Variants in NR1H2 observed in about 807,000 individuals in gnomAD.
NR1H2 encodes oxysterols receptor LXR-beta.
NR1H2 carries 33 observed loss-of-function variants against 51.2 expected under a neutral mutation model. That is an observed-to-expected ratio of 0.64 (90% confidence interval 0.49 to 0.86). The LOEUF (loss-of-function observed/expected upper bound fraction) is 0.86, where lower values mean the gene tolerates loss of function less well. Ranked by LOEUF, NR1H2 falls within the 40% of genes least tolerant of loss-of-function variation. NR1H2 has a pLI of 0.00. For missense variants in NR1H2, 592 were observed against 639.9 expected (o/e 0.93, Z 0.81); for synonymous variants, 310 against 264.3 (o/e 1.17, Z -1.68).
At chr19:50,382,372 G>C in intron 9 of NR1H2, 84 bp from the exon 10 acceptor site, 1 of 1,501,384 alleles carries the variant, frequency 6.7e-7, no homozygotes. Flanking sequence ...TGGTCGGGGA[G>C]GGGCCCTCCT....
In NR1H2 at chr19:50,377,783, G is replaced by C; in HGVS notation, c.94G>C (p.Glu32Gln). The C allele has an allele frequency of 6.2e-7, 1 of 1,611,010 alleles. No individual in the cohort carries two copies. The highest frequency in any genetic ancestry group is 8.5e-7 in the Non-Finnish European group (1 of 1,178,666). The change falls in exon 4 of 10, where the codon GAG becomes CAG. Residue 32 changes from glutamate (E) to glutamine (Q), a missense_variant. Transcript: ENST00000253727. ...CCCTTCTTCTTCACCCACTGTAAAG[G>C]AGGAGGGTCCGGAGCCGTGGCCCGG... Reference protein sequence around the residue: ...GAPSSSPTVKEEGPEPWPGGP... With the variant: ...GAPSSSPTVKQEGPEPWPGGP...
At chr19:50,378,043 C>T (rs2037697891) in intron 4 of NR1H2, 106 bp from the exon 5 acceptor site, 1 of 1,414,608 alleles carries the variant, frequency 7.1e-7, no homozygotes, top group South Asian at 1.4e-5. Flanking sequence ...CAACTCCTCT[C>T]TCCCTCCATC....
rs770363958 is a variant in NR1H2, at chr19:50,378,846, C to T, written c.747+50C>T. 8.2e-6 allele frequency: 13 copies of T among 1,584,556 alleles called. No individual in the cohort carries two copies. In the Admixed American group the frequency reaches 1.9e-4, roughly 23 times the overall value. ...GTGTGACGGTCCCAATGGGGTAGAGCCAGCTGGGCCATCACCCAGGGTGTG... is the reference window on the plus strand; with the variant it reads ...GTGTGACGGTCCCAATGGGGTAGAGTCAGCTGGGCCATCACCCAGGGTGTG... On this transcript the variant is annotated intron_variant, in intron 6 of 9. Transcript: ENST00000253727.
Position 50,378,522 on chromosome 19 carries a change from G to A in NR1H2, c.473G>A (p.Cys158Tyr). 6.2e-7 allele frequency: 1 copy of A among 1,605,494 alleles called. No homozygotes were observed. Among genetic ancestry groups the A allele is most frequent in the Admixed American group, 1.7e-5 (1 of 59,600 alleles). ...KCKEAGMREQ[C>Y]VLSEEQIRKK... ...TGCTGAGGCCTGCATCCCCCTACAGGCGTCCTTTCTGAAGAACAGATCCGG... is the reference window on the plus strand; with the variant it reads ...TGCTGAGGCCTGCATCCCCCTACAGACGTCCTTTCTGAAGAACAGATCCGG... The change falls in exon 6 of 10, where the codon TGC becomes TAC. Residue 158 changes from cysteine (C) to tyrosine (Y), a missense_variant and splice_region_variant. Physicochemically the swap from Cys to Tyr is radical, Grantham distance 194. Around this residue, in one of 3 missense-constraint regions of NR1H2, gnomAD observed 316 missense variants for 313.4 expected, o/e 1.01. Coordinates refer to ENST00000253727, the MANE Select transcript of NR1H2 (RefSeq NM_007121.7).
At position 50,378,610 on chromosome 19, in the gene NR1H2, G is replaced by A. The variant is rs755298052; in HGVS notation, c.561G>A (p.Pro187=). 1.1e-5 allele frequency: 18 copies of A among 1,613,876 alleles called. No homozygotes were observed. The highest frequency in any genetic ancestry group is 4.0e-5 in the African/African-American group (3 of 74,934). ...SQSQSQSPVG[P]QGSSSSASGP... Reference sequence around the variant, plus strand: ...CACAGTCGCAGTCACCTGTGGGGCCGCAGGGCAGCAGCAGCTCAGCCTCTG... The same window carrying A: ...CACAGTCGCAGTCACCTGTGGGGCCACAGGGCAGCAGCAGCTCAGCCTCTG... The change falls in exon 6 of 10, where the codon CCG becomes CCA. Residue 187 remains proline (P), a synonymous_variant. Transcript: ENST00000253727.
rs978404750 is a variant in NR1H2, at chr19:50,379,825, T to C, written c.973T>C (p.Cys325Arg). The C allele has an allele frequency of 1.2e-6, 2 of 1,613,370 alleles. No homozygotes were observed. Among genetic ancestry groups the C allele is most frequent in the Non-Finnish European group, 8.5e-7 (1 of 1,179,832 alleles). ...CAGGCGCTACAACCACGAGACAGAGTGTATCACCTTCTTGAAGGACTTCAC... is the reference window on the plus strand; with the variant it reads ...CAGGCGCTACAACCACGAGACAGAGCGTATCACCTTCTTGAAGGACTTCAC... ...TARRYNHETECITFLKDFTYS... is the reference protein window; with the variant it reads ...TARRYNHETERITFLKDFTYS... Residue 325 changes from cysteine (C) to arginine (R), a missense_variant, in exon 8 of 10, where the codon TGT (cysteine) becomes CGT (arginine). By Grantham distance (180) the Cys-to-Arg change is radical (BLOSUM62 -3). Around this residue, in one of 3 missense-constraint regions of NR1H2, gnomAD observed 102 missense variants for 152.4 expected, o/e 0.67. Transcript: ENST00000253727.
chr19:50,378,074 A>T (rs989960141), intron 4 of NR1H2, 75 bp from the exon 5 acceptor site: 3 of 1,487,946 alleles, frequency 2.0e-6, no homozygotes, highest in Admixed American at 4.3e-5. Context: ...TTGCCTGGGG[A>T]TCTCCTGTGG....
chr19:50,381,300 C>T (rs556082256), intron 8 of NR1H2, among the ~76,000 whole-genome samples: 13 of 152,352 alleles, frequency 8.5e-5, no homozygotes, highest in African/African-American at 2.9e-4. Flanking sequence ...CCCTCATCTC[C>T]TTCGGATTGG....
chr19:50,379,185 ATGGTCCATCTGCC>A lies in NR1H2; in HGVS notation c.927+5_927+17del. The A allele has an allele frequency of 6.2e-7, 1 of 1,608,186 alleles. No homozygotes were observed. Among genetic ancestry groups the A allele is most frequent in the Non-Finnish European group, 8.5e-7 (1 of 1,176,978 alleles). ...CCTGAAGGCATCCACTATCGAGGTA[ATGGTCCATCTGCC>A]CACAAGGAACCCCAGAGATAGCTCC... On this transcript the variant is annotated splice_donor_5th_base_variant and intron_variant, in intron 7 of 9. Coordinates refer to ENST00000253727, the MANE Select transcript of NR1H2 (RefSeq NM_007121.7).
In NR1H2 at chr19:50,378,846, C is replaced by G. The variant is rs770363958; in HGVS notation, c.747+50C>G. The G allele has an allele frequency of 2.5e-6, 4 of 1,584,556 alleles. No homozygotes were observed. The East Asian group carries it at 9.0e-5, about 36-fold the overall frequency. On this transcript the variant is annotated intron_variant, in intron 6 of 9. Coordinates refer to ENST00000253727, the MANE Select transcript of NR1H2 (RefSeq NM_007121.7). The stretch of plus-strand genomic sequence containing the variant: ...GTGTGACGGTCCCAATGGGGTAGAG[C>G]CAGCTGGGCCATCACCCAGGGTGTG...
At chr19:50,380,977 C>G (rs1432469961) in intron 8 of NR1H2, among the ~76,000 whole-genome samples, 1 of 152,180 alleles carries the variant, frequency 6.6e-6, no homozygotes, top group Non-Finnish European at 1.5e-5. Flanking sequence ...CTCCGCGGCT[C>G]CCGTCTCACT....
Position 50,377,929 on chromosome 19 carries a change from A to C in NR1H2, c.181+59A>C, listed in dbSNP as rs576488905. The C allele has an allele frequency of 5.9e-5, 88 of 1,499,222 alleles. 2 individuals carry two copies. The South Asian group carries it at 1.1e-3, about 19-fold the overall frequency. The allele number at this position is 1,499,222 out of a possible 1,614,324, so 92.9% of individuals were successfully genotyped here. A position where few individuals can be genotyped will look rare whatever the true frequency, so the allele number is the denominator to read the frequency against. On this transcript the variant is annotated intron_variant, in intron 4 of 9. Coordinates refer to ENST00000253727, the MANE Select transcript of NR1H2 (RefSeq NM_007121.7). The stretch of plus-strand genomic sequence containing the variant: ...TGGGGAGGGGTTTAGGAAGGGAGAA[A>C]GAAATAGAAATGGGAATGGGAGGCC...
At chr19:50,377,349 C>CG in intron 2 of NR1H2, 1 of 431,360 alleles carries the variant, frequency 2.3e-6, no homozygotes, top group Non-Finnish European at 4.0e-6. Context: ...CCTGAGGGGG[C>CG]GGGGCCTACA....
At chr19:50,381,855 C>T (rs1326182903) in intron 8 of NR1H2, 111 bp from the exon 9 acceptor site, 2 of 915,334 alleles carry the variant, frequency 2.2e-6, no homozygotes. Flanking sequence ...GACAAGAACG[C>T]TGTAATTACT....
Position 50,379,022 on chromosome 19 carries a change from C to T in NR1H2, c.768C>T (p.Asp256=), listed in dbSNP as rs573467332. Residue 256 remains aspartate (D), a synonymous_variant, in exon 7 of 10, where the codon GAC becomes GAT. Coordinates refer to ENST00000253727, the MANE Select transcript of NR1H2 (RefSeq NM_007121.7). ...PKVTPWPLGA[D]PQSRDARQQR... is the part of the protein sequence containing the mutation. ...CCCAGCCCTGGCCCCTGGGCGCAGA[C>T]CCCCAGTCCCGAGATGCCCGCCAGC... The T allele has an allele frequency of 4.4e-5, 71 of 1,611,454 alleles. No homozygotes were observed. In the East Asian group the frequency reaches 1.5e-3, roughly 34 times the overall value.
In NR1H2 at chr19:50,378,716, C is replaced by G; in HGVS notation, c.667C>G (p.Gln223Glu). Residue 223 changes from glutamine to glutamate, a missense_variant, in exon 6 of 10, where the codon CAA becomes GAA. By Grantham distance (29) the Gln-to-Glu change is conservative. This residue lies in a region of NR1H2 where 316 missense variants were observed against 313.4 expected (regional missense o/e 1.01). Coordinates refer to ENST00000253727, the MANE Select transcript of NR1H2 (RefSeq NM_007121.7). ...CGAGGGTGTCCAGCTAACAGCGGCT[C>G]AAGAACTAATGATCCAGCAGTTGGT... Reference protein sequence around the residue: ...EGEGVQLTAAQELMIQQLVAA... With the variant: ...EGEGVQLTAAEELMIQQLVAA... The G allele has an allele frequency of 5.6e-6, 9 of 1,613,826 alleles. No individual in the cohort carries two copies. The highest frequency in any genetic ancestry group is 7.6e-6 in the Non-Finnish European group (9 of 1,180,020).
chr19:50,381,945 G>A (rs2303043), intron 8 of NR1H2, 21 bp from the exon 9 acceptor site: 22 of 1,538,498 alleles, frequency 1.4e-5, no homozygotes, highest in Middle Eastern at 1.8e-4. Flanking sequence ...AGGGAGTCAC[G>A]GGCTGCCTCC....
chr19:50,378,179 G>A lies in NR1H2; in HGVS notation c.212G>A (p.Arg71His), dbSNP rs777685852. The change falls in exon 5 of 10, where the codon CGC becomes CAC. Residue 71 changes from arginine to histidine, a missense_variant. Arg to His is a conservative substitution (Grantham distance 29). Transcript: ENST00000253727. ...VIPDPEEEPE[R>H]KRKKGPAPKM... ...CCAGATCCCGAAGAGGAACCAGAGC[G>A]CAAGCGAAAGAAGGGCCCAGCCCCG... 18 of 1,612,328 alleles carry A rather than the reference G, an allele frequency of 1.1e-5. No homozygotes were observed. Among genetic ancestry groups the A allele is most frequent in the Admixed American group, 6.7e-5 (4 of 59,902 alleles).
intron 2 of NR1H2, 174 bp from the exon 3 acceptor site, chr19:50,377,413 A>G (rs1365871980): frequency 3.7e-6 from 2 of 545,620 alleles, no homozygotes; most frequent in Non-Finnish European, 6.4e-6. Flanking sequence ...AGAAGGGGGC[A>G]GGTCTTGTTA....
Sources: gnomAD v4.1 joint callset for allele counts (sites outside exome capture counted in the v4.1 genomes callset) on GRCh38, gnomAD v4.1.1 for gene constraint, gnomAD v4.1.1 regional missense constraint, MANE v1.5 for transcripts, NCBI Gene and HGNC (gene_info 2026-07-23, HGNC 2026-07-21) for gene names.